Variants in C1QTNF12 observed in about 807,000 individuals in gnomAD.
The protein encoded by C1QTNF12 is C1q and TNF related 12.
C1QTNF12 carries 39 observed loss-of-function variants against 34.3 expected under a neutral mutation model. That is an observed-to-expected ratio of 1.14 (90% CI 0.88 to 1.49). The LOEUF is 1.49. Ranked by LOEUF, C1QTNF12 falls within the 40% of genes most tolerant of loss-of-function variation. The pLI is 0.00. For synonymous variants in C1QTNF12, 220 were observed against 196.9 expected (o/e 1.12, Z -0.98); for missense variants, 497 against 424.7 (o/e 1.17, Z -1.50).
chr1:1,243,029 C>T, intron 6 of C1QTNF12, 33 bp downstream of exon 6: 1 of 1,559,702 alleles, frequency 6.4e-7, no homozygotes, highest in Non-Finnish European at 8.7e-7. Flanking sequence ...GGTCCGGGGG[C>T]TGCCGCCTGG....
At chr1:1,244,569 G>T in intron 1 of C1QTNF12, 72 bp from the exon 2 acceptor site, 1 of 1,186,496 alleles carries the variant, frequency 8.4e-7, no homozygotes, top group Non-Finnish European at 1.3e-6. Flanking sequence ...GGGCAGCGGG[G>T]AGCACTCAGG....
rs1638897904 is a variant in C1QTNF12 at position 1,246,576 on chromosome 1, C to T, written c.115G>A (p.Ala39Thr). 4 of 1,245,794 alleles carry T rather than the reference C, an allele frequency of 3.2e-6. No homozygotes were observed. Among genetic ancestry groups the T allele is most frequent in the Non-Finnish European group, 4.0e-6 (4 of 995,252 alleles). 77.2% of individuals were successfully genotyped at this position (1,245,794 alleles called of 1,614,324 possible). Reference sequence around the variant, plus strand: ...CTGGCGGTGGCGTTGGGGGGATCTGCGCGCTGGCCAGGCTGCTGCGTCCTC... The same window carrying T: ...CTGGCGGTGGCGTTGGGGGGATCTGTGCGCTGGCCAGGCTGCTGCGTCCTC... ...AQRTQQPGQR[A>T]DPPNATASAS... The change falls in exon 1 of 8, where the codon GCA becomes ACA. Residue 39 changes from alanine to threonine, a missense_variant. Transcript: ENST00000330388. This position sits in a 1 kb window ranked among gnomAD's most constrained non-coding sequence, Gnocchi z 4.5.
In C1QTNF12 at chr1:1,243,401, C is replaced by A; in HGVS notation, c.640+43G>T. 3.9e-6 allele frequency: 6 copies of A among 1,521,466 alleles called. 1 individual carries two copies. Among genetic ancestry groups the A allele is most frequent in the Non-Finnish European group, 5.3e-6 (6 of 1,121,688 alleles). The allele number at this position is 1,521,466 out of a possible 1,614,324, so 94.2% of individuals were successfully genotyped here. A position where few individuals can be genotyped will look rare whatever the true frequency, so the allele number is the denominator to read the frequency against. ...GCCAGGCGCCCCCAGAAAGCTCAGC[C>A]CCAGCCCCGTCACAGCACACGGCAC... On this transcript the variant is annotated intron_variant, in intron 5 of 7. Transcript: ENST00000330388.
Position 1,244,043 on chromosome 1 carries a change from G to C in C1QTNF12, c.442C>G (p.Arg148Gly). Reference protein sequence around the residue: ...DPLLPQGAGLRLVGEAFHCRL... With the variant: ...DPLLPQGAGLGLVGEAFHCRL... The stretch of plus-strand genomic sequence containing the variant: ...CAGTGAAAGGCCTCGCCCACCAGCC[G>C]CAGGCCCGCCCCCTGGGGCAGCAGC... The change falls in exon 4 of 8, where the codon CGG becomes GGG. Residue 148 changes from arginine (R) to glycine (G), a missense_variant. Transcript: ENST00000330388. 2 of 1,598,164 alleles carry C rather than the reference G, an allele frequency of 1.3e-6. No individual in the cohort carries two copies. The highest frequency in any genetic ancestry group is 1.1e-5 in the South Asian group (1 of 89,266).
In C1QTNF12 at chr1:1,243,539, C is replaced by T. The variant is rs546929933; in HGVS notation, c.545G>A (p.Gly182Asp). 2.1e-5 allele frequency: 33 copies of T among 1,551,976 alleles called. No individual in the cohort carries two copies. The South Asian group carries it at 3.8e-4, about 18-fold the overall frequency. Residue 182 changes from glycine to aspartate, a missense_variant, in exon 5 of 8, where the codon GGT (glycine) becomes GAT (aspartate). Gly to Asp is a moderately conservative substitution (Grantham distance 94). Transcript: ENST00000330388. ...CAGACCGGAGCCTCGCAGGAAGGCA[C>T]CTTGGGCAGCAGGCTGTGAGGGGCA... is the stretch of plus-strand genomic sequence containing the variant. Reference protein sequence around the residue: ...LHGFQAPAAQGAFLRGSGLSL... With the variant: ...LHGFQAPAAQDAFLRGSGLSL...
chr1:1,245,803 GA>G (rs1638879117), intron 1 of C1QTNF12, among the ~76,000 whole-genome samples: 1 of 152,228 alleles, frequency 6.6e-6, no homozygotes, highest in South Asian at 2.1e-4. Flanking sequence ...CGGGAGGAGG[GA>G]GACCAGCATC....
At chr1:1,245,464 C>G (rs1638871031) in intron 1 of C1QTNF12, among the ~76,000 whole-genome samples, 1 of 150,790 alleles carries the variant, frequency 6.6e-6, no homozygotes, top group Non-Finnish European at 1.5e-5. Flanking sequence ...GGAGGGCCAG[C>G]CTGAGCACAC....
chr1:1,244,229 G>T lies in C1QTNF12; in HGVS notation c.341C>A (p.Ala114Glu), dbSNP rs369520877. The T allele has an allele frequency of 5.6e-6, 9 of 1,598,006 alleles. No individual in the cohort carries two copies. The highest frequency in any genetic ancestry group is 7.7e-6 in the Non-Finnish European group (9 of 1,172,464). Residue 114 changes from alanine (A) to glutamate (E), a missense_variant, in exon 3 of 8, where the codon GCG becomes GAG. Coordinates refer to ENST00000330388, the MANE Select transcript of C1QTNF12 (RefSeq NM_001014980.3). Reference sequence around the variant, plus strand: ...CTGAAACTCGTGAAGCAGAGTCTCCGCGGTCACTTCTGCACCTGGAGGTCC... The same window carrying T: ...CTGAAACTCGTGAAGCAGAGTCTCCTCGGTCACTTCTGCACCTGGAGGTCC... ...PPGPPGAEVTAETLLHEFQEL... is the reference protein window; with the variant it reads ...PPGPPGAEVTEETLLHEFQEL...
chr1:1,243,113 C>G lies in C1QTNF12; in HGVS notation c.680G>C (p.Arg227Pro). 6.4e-7 allele frequency: 1 copy of G among 1,567,388 alleles called. No individual in the cohort carries two copies. The highest frequency in any genetic ancestry group is 1.1e-5 in the South Asian group (1 of 87,194). ...ACAGATGAGAACACACACCACGTCC[C>G]GGGCCCGCAGCCGGGCCTTGCCCTG... Reference protein sequence around the residue: ...ELQGKARLRARDVVCVLICIE... With the variant: ...ELQGKARLRAPDVVCVLICIE... The change falls in exon 6 of 8, where the codon CGG becomes CCG. Residue 227 changes from arginine (R) to proline (P), a missense_variant. Arg to Pro is a moderately radical substitution (Grantham distance 103). Transcript: ENST00000330388.
intron 1 of C1QTNF12, among the ~76,000 whole-genome samples, chr1:1,245,371 C>G (rs1012766908): frequency 7.0e-6 from 1 of 142,614 alleles, no homozygotes; most frequent in Non-Finnish European, 1.5e-5. Context: ...CCTGGAGGGG[C>G]CTGTACCTCA....
intron 1 of C1QTNF12, among the ~76,000 whole-genome samples, chr1:1,245,359 G>T (rs566605957): frequency 7.3e-6 from 1 of 137,868 alleles, no homozygotes. Context: ...GGGACCCGGC[G>T]CCCTGGAGGG....
At chr1:1,244,583 G>A (rs903631277) in intron 1 of C1QTNF12, 86 bp from the exon 2 acceptor site, 3 of 1,061,306 alleles carry the variant, frequency 2.8e-6, no homozygotes, top group African/African-American at 3.2e-5. Context: ...ACTCAGGGCA[G>A]AACCAGGGAA....
At position 1,242,458 on chromosome 1, in the gene C1QTNF12, T is replaced by C. The variant is rs1269464468; in HGVS notation, c.*90A>G. On this transcript the variant is annotated 3_prime_UTR_variant, in exon 8 of 8. Coordinates refer to ENST00000330388, the MANE Select transcript of C1QTNF12 (RefSeq NM_001014980.3). ...CAGCACTCGAAGGCAGTGGGGAGGG[T>C]GGAGGGCTCTTTATTGTGGTGACCA... 2.0e-6 allele frequency: 2 copies of C among 992,660 alleles called. No homozygotes were observed. Among genetic ancestry groups the C allele is most frequent in the Non-Finnish European group, 3.0e-6 (2 of 672,730 alleles). 61.5% of individuals were successfully genotyped at this position (992,660 alleles called of 1,614,324 possible).
intron 1 of C1QTNF12, chr1:1,244,699 A>G (rs1040491046): frequency 5.3e-6 from 3 of 569,906 alleles, no homozygotes; most frequent in African/African-American, 3.8e-5. Flanking sequence ...CTGTGGACAC[A>G]GCCAGAGCCT....
At chr1:1,246,758 C>G, upstream of C1QTNF12, 2 of 1,144,268 alleles carry the variant, frequency 1.7e-6, no homozygotes, top group South Asian at 8.7e-5. The surrounding 1 kb of genome is among the most constrained non-coding windows in gnomAD (Gnocchi z 4.5). Flanking sequence ...GGACGGCCGG[C>G]GCTCAGAGCC....
chr1:1,243,611 C>A, intron 4 of C1QTNF12, 59 bp from the exon 5 acceptor site: 2 of 1,402,054 alleles, frequency 1.4e-6, no homozygotes, highest in Non-Finnish European at 9.8e-7. Context: ...CCACAGACCC[C>A]GCCTGGGGAA....
chr1:1,246,481 C>T lies in C1QTNF12; in HGVS notation c.177+33G>A. On this transcript the variant is annotated intron_variant, in intron 1 of 7. Transcript: ENST00000330388. The surrounding 1 kb of genome is among the most constrained non-coding windows in gnomAD (Gnocchi z 4.5). ...CCAGAGCCCCAGCTCCGAAGCTGCC[C>T]CGCGAGGGCCCACGTGCGTCCCGGC... 1 of 1,229,592 alleles carries T rather than the reference C, an allele frequency of 8.1e-7. No individual in the cohort carries two copies. The highest frequency in any genetic ancestry group is 1.0e-6 in the Non-Finnish European group (1 of 986,270). The allele number at this position is 1,229,592 out of a possible 1,614,324, so 76.2% of individuals were successfully genotyped here. A position where few individuals can be genotyped will look rare whatever the true frequency, so the allele number is the denominator to read the frequency against.
At position 1,246,078 on chromosome 1, in the gene C1QTNF12, G is replaced by A. The variant is rs1411552703; in HGVS notation, c.177+436C>T. On this transcript the variant is annotated intron_variant, in intron 1 of 7. Coordinates refer to ENST00000330388, the MANE Select transcript of C1QTNF12 (RefSeq NM_001014980.3). This position sits in a 1 kb window ranked among gnomAD's most constrained non-coding sequence, Gnocchi z 4.5. The stretch of plus-strand genomic sequence containing the variant: ...CCCAGAAAGCACAAGGGACAGGCTC[G>A]CCATGGCGTCTCCAGCCGCAGGAGT... Among the ~76,000 whole-genome samples, 3 of 152,232 alleles carry A rather than the reference G, an allele frequency of 2.0e-5. No individual in the cohort carries two copies. Among genetic ancestry groups the A allele is most frequent in the Non-Finnish European group, 2.9e-5 (2 of 67,994 alleles).
In C1QTNF12 at chr1:1,246,010, C is replaced by G. The variant is rs1304901016; in HGVS notation, c.177+504G>C. Among the ~76,000 whole-genome samples the G allele has an allele frequency of 6.6e-6, 1 of 152,060 alleles. No homozygotes were observed. The highest frequency in any genetic ancestry group is 1.5e-5 in the Non-Finnish European group (1 of 67,970). ...GAGGACGCCCGGCCTGACTGGGGCC[C>G]CAGGACTTAACCCGCAAGAGGGGGT... On this transcript the variant is annotated intron_variant, in intron 1 of 7. Coordinates refer to ENST00000330388, the MANE Select transcript of C1QTNF12 (RefSeq NM_001014980.3). The surrounding 1 kb of genome is among the most constrained non-coding windows in gnomAD (Gnocchi z 4.5).
Sources: gnomAD v4.1 joint callset for allele counts (sites outside exome capture counted in the v4.1 genomes callset) on GRCh38, gnomAD v4.1.1 for gene constraint, Gnocchi (gnomAD v3.1) non-coding constraint, MANE v1.5 for transcripts, NCBI Gene and HGNC (gene_info 2026-07-23, HGNC 2026-07-21) for gene names.